The following PDZD9 variants were observed in gnomAD, a reference collection of about 807,000 sequenced individuals.
PDZD9 encodes the protein PDZ domain containing 9.
Under a neutral mutation model 16.3 loss-of-function variants are expected in PDZD9, and 13 were observed. That is an observed-to-expected ratio of 0.80 (90% confidence interval 0.52 to 1.27). PDZD9 has a LOEUF of 1.27. PDZD9 is among the 50% of genes most tolerant of loss of function. PDZD9 has a pLI of 0.00. For missense variants in PDZD9, 288 were observed against 310.9 expected (o/e 0.93, Z 0.55); for synonymous variants, 120 against 111.0 (o/e 1.08, Z -0.51).
downstream of PDZD9, among the ~76,000 whole-genome samples, chr16:21,979,637 T>C (rs1898667369): frequency 6.6e-6 from 1 of 152,220 alleles, no homozygotes; most frequent in Admixed American, 6.5e-5. Flanking sequence ...GCCATTTTTA[T>C]GGCATAGCTC....
intron 2 of PDZD9, among the ~76,000 whole-genome samples, chr16:21,992,828 G>T (rs1040597205): frequency 1.3e-5 from 2 of 152,090 alleles, no homozygotes; most frequent in Non-Finnish European, 2.9e-5. Flanking sequence ...AATATGGTTT[G>T]GTTCTGTGTC....
the PDZD9 span, among the ~76,000 whole-genome samples, chr16:21,959,964 T>C: frequency 2.1e-4 from 32 of 152,346 alleles, no homozygotes; most frequent in African/African-American, 7.5e-4. Context: ...TCCAGGCTTT[T>C]TTGTTCATTT....
the PDZD9 span, chr16:21,962,524 C>G: frequency 6.2e-7 from 1 of 1,614,086 alleles, no homozygotes; most frequent in African/African-American, 1.3e-5. Flanking sequence ...TGTGTAAGTA[C>G]CTGTGTGTGT....
intron 2 of PDZD9, 108 bp downstream of exon 2, chr16:21,996,214 G>T: frequency 1.6e-6 from 2 of 1,274,272 alleles, no homozygotes; most frequent in Non-Finnish European, 2.1e-6. Context: ...GCATGAGCCA[G>T]CATGCCCGTC....
chr16:21,987,581 A>G (rs1162889680), intron 3 of PDZD9, among the ~76,000 whole-genome samples: 1 of 152,216 alleles, frequency 6.6e-6, no homozygotes, highest in Non-Finnish European at 1.5e-5. Flanking sequence ...GTGGTGTCAC[A>G]GAAGCCTGGG....
chr16:21,988,871 A>G (rs1898952915), intron 2 of PDZD9, 80 bp from the exon 3 acceptor site: 2 of 1,078,596 alleles, frequency 1.9e-6, no homozygotes, highest in African/African-American at 1.7e-5. Context: ...ATTGTGAGGT[A>G]TTTCATTTTA....
the PDZD9 span, among the ~76,000 whole-genome samples, chr16:21,974,212 A>G: frequency 6.6e-6 from 1 of 152,190 alleles, no homozygotes; most frequent in South Asian, 2.1e-4. Context: ...CTGGTTGGAC[A>G]AGTTGCATTG....
chr16:21,989,307 G>A (rs1898965321), intron 2 of PDZD9, among the ~76,000 whole-genome samples: 1 of 152,152 alleles, frequency 6.6e-6, no homozygotes, highest in East Asian at 1.9e-4. Context: ...TATGCAAGAT[G>A]TTTCTTAATA....
chr16:21,979,651 C>T (rs72784907), downstream of PDZD9, among the ~76,000 whole-genome samples: 4 of 152,288 alleles, frequency 2.6e-5, no homozygotes, highest in Non-Finnish European at 4.4e-5. Flanking sequence ...ATAGCTCCTG[C>T]TTTCGAGTGA....
chr16:21,961,167 T>C, the PDZD9 span, among the ~76,000 whole-genome samples: 1 of 152,288 alleles, frequency 6.6e-6, no homozygotes, highest in Non-Finnish European at 1.5e-5. Flanking sequence ...GTAAAGATGA[T>C]AGAGAATGTC....
downstream of PDZD9, chr16:21,980,676 A>G: frequency 1.9e-6 from 3 of 1,614,132 alleles, no homozygotes; most frequent in Non-Finnish European, 2.5e-6. Context: ...AGATTGATTC[A>G]GTGGCTAATG....
downstream of PDZD9, chr16:21,980,773 T>C: frequency 6.4e-7 from 1 of 1,557,706 alleles, no homozygotes; most frequent in South Asian, 1.2e-5. Context: ...GAAGGATGCA[T>C]AAGCGTCCTT....
chr16:21,983,145 CAT>C, downstream of PDZD9: 1 of 1,614,080 alleles, frequency 6.2e-7, no homozygotes, highest in South Asian at 1.1e-5. Flanking sequence ...AAATTTGGGA[CAT>C]ACACCTTTTG....
At chr16:21,968,744 T>A in the PDZD9 span, 1 of 1,471,860 alleles carries the variant, frequency 6.8e-7, no homozygotes, top group African/African-American at 1.4e-5. Flanking sequence ...TTCCTTAAAC[T>A]GTAATTACGT....
the PDZD9 span, chr16:21,968,689 A>G: frequency 6.2e-7 from 1 of 1,605,230 alleles, no homozygotes. Flanking sequence ...GGACTTGGTA[A>G]GTTTAGAGTA....
chr16:21,996,435 A>G lies in PDZD9; in HGVS notation c.98T>C (p.Leu33Pro), dbSNP rs932821717. ...GCCTAATCCCAGGCTACCCACAGTG[A>G]GTTTGGTCTGCTGTGTTTTGCTCAA... ...HNLSKTQQTK[L>P]TVGSLGLGLI... The change falls in exon 2 of 4, where the codon CTC becomes CCC. Residue 33 changes from leucine (L) to proline (P), a missense_variant. Transcript: ENST00000424898. 8.5e-6 allele frequency: 13 copies of G among 1,536,022 alleles called. No homozygotes were observed. Among genetic ancestry groups the G allele is most frequent in the Non-Finnish European group, 1.1e-5 (13 of 1,146,856 alleles).
At chr16:21,982,854 C>T (rs1898765640), downstream of PDZD9, among the ~76,000 whole-genome samples, 1 of 151,630 alleles carries the variant, frequency 6.6e-6, no homozygotes, top group South Asian at 2.1e-4. Context: ...AATCCCAGCT[C>T]CTTGGGAGGG....
the PDZD9 span, chr16:21,962,082 C>A: frequency 5.5e-6 from 1 of 181,684 alleles, no homozygotes; most frequent in Non-Finnish European, 1.2e-5. Context: ...TGCTCATTCT[C>A]CCCTCCCCTC....
At chr16:21,972,316 T>G in the PDZD9 span, among the ~76,000 whole-genome samples, 2 of 152,208 alleles carry the variant, frequency 1.3e-5, no homozygotes, top group South Asian at 4.1e-4. Flanking sequence ...CTTTGTCTAT[T>G]ACTTGTCATT....
Sources: gnomAD v4.1 joint callset for allele counts (sites outside exome capture counted in the v4.1 genomes callset) on GRCh38, gnomAD v4.1.1 for gene constraint, MANE v1.5 for transcripts, NCBI Gene and HGNC (gene_info 2026-07-23, HGNC 2026-07-21) for gene names.